The following ALCAM variants were observed in gnomAD, a reference collection of about 807,000 sequenced individuals.
ALCAM encodes the protein activated leukocyte cell adhesion molecule.
A neutral mutation model predicts 70.9 loss-of-function variants in ALCAM; 30 were observed. The ratio of observed to expected loss-of-function variants is 0.42; its 90% CI spans 0.32 to 0.57. The LOEUF (loss-of-function observed/expected upper bound fraction) is 0.57. ALCAM is among the 20% of genes least tolerant of loss of function. The pLI, the probability that ALCAM is intolerant of heterozygous loss-of-function variation, is 0.11. For missense variants in ALCAM, 591 were observed against 695.1 expected, an observed-to-expected ratio of 0.85 and a Z score of 1.68; for synonymous variants, 249 against 242.5, an observed-to-expected ratio of 1.03 and a Z score of -0.25.
chr3:105,381,733 T>A (rs914900465), intron 1 of ALCAM, among the ~76,000 whole-genome samples: 1 of 151,684 alleles, frequency 6.6e-6, no homozygotes, highest in South Asian at 2.1e-4. Flanking sequence ...ACTCTGTAGA[T>A]TCAGAGTCTA....
chr3:105,456,800 G>C (rs1221323293), intron 1 of ALCAM, among the ~76,000 whole-genome samples: 3 of 151,780 alleles, frequency 2.0e-5, no homozygotes, highest in Non-Finnish European at 4.4e-5. Flanking sequence ...GAGCTTCTGC[G>C]TATAATGAAG....
intron 1 of ALCAM, among the ~76,000 whole-genome samples, chr3:105,416,244 CT>C (rs1286549878): frequency 6.6e-6 from 1 of 151,982 alleles, no homozygotes; most frequent in Non-Finnish European, 1.5e-5. Context: ...ACTTTATACC[CT>C]TAAGGGAAGA....
In ALCAM at chr3:105,526,269, G is replaced by C. The variant is rs180966841; in HGVS notation, c.394+1761G>C. ...TCATTTGGAAGAATTATTTGTGACA[G>C]TTTTCAAAACATTTTGTAAAAAAAA... On this transcript the variant is annotated intron_variant, in intron 3 of 15. Transcript: ENST00000306107. 6.9e-5 allele frequency among the ~76,000 whole-genome samples: 10 copies of C among 144,898 alleles called. No homozygotes were observed. In the Admixed American group the frequency reaches 7.0e-4, roughly 10 times the overall value.
chr3:105,548,182 A>G (rs1408125770), intron 11 of ALCAM, among the ~76,000 whole-genome samples: 1 of 151,382 alleles, frequency 6.6e-6, no homozygotes, highest in Non-Finnish European at 1.5e-5. Flanking sequence ...ACTACCTGTT[A>G]TTTTCTTTTA....
intron 1 of ALCAM, among the ~76,000 whole-genome samples, chr3:105,457,967 C>T (rs575696280): frequency 6.6e-6 from 1 of 152,170 alleles, no homozygotes; most frequent in South Asian, 2.1e-4. Context: ...TTGAAAGCTC[C>T]TCAATGGAGC....
rs556726667 is a variant in ALCAM at position 105,552,669 on chromosome 3, G to A, written c.1664+84G>A. 2.3e-4 allele frequency: 363 copies of A among 1,597,062 alleles called. 1 individual carries two copies. In the African/African-American group the frequency reaches 3.9e-3, roughly 17 times the overall value. On this transcript the variant is annotated intron_variant, in intron 14 of 15. Transcript: ENST00000306107. ...TGTGCTAATTTTGCTCACTCCAGTC[G>A]TGCATATAATTTATACAATAAGGAA...
Position 105,433,669 on chromosome 3 carries a change from GT to G in ALCAM, c.73+66197del, listed in dbSNP as rs879437209. Among the ~76,000 whole-genome samples the G allele has an allele frequency of 1.2e-3, 185 of 149,360 alleles. 1 individual carries two copies. Among genetic ancestry groups the G allele is most frequent in the Non-Finnish European group, 2.4e-3 (158 of 67,166 alleles). ...AGACTGAGTAATTAAGATCAATGCA[GT>G]TTTTTTTTGTATTCTGATGTCCATC... On this transcript the variant is annotated intron_variant, in intron 1 of 15. Transcript: ENST00000306107.
At chr3:105,548,685 G>C (rs1940313408) in intron 11 of ALCAM, among the ~76,000 whole-genome samples, 1 of 151,270 alleles carries the variant, frequency 6.6e-6, no homozygotes, top group Non-Finnish European at 1.5e-5. Flanking sequence ...ATTTGGTTAA[G>C]TGTGATGGGG....
intron 14 of ALCAM, 82 bp downstream of exon 14, chr3:105,552,667 T>C: frequency 1.3e-6 from 2 of 1,599,260 alleles, no homozygotes; most frequent in Admixed American, 3.4e-5. Flanking sequence ...CTCACTCCAG[T>C]CGTGCATATA....
chr3:105,550,542 C>G (rs549891172), intron 12 of ALCAM, among the ~76,000 whole-genome samples: 1 of 151,556 alleles, frequency 6.6e-6, no homozygotes, highest in African/African-American at 2.4e-5. Flanking sequence ...ATAAGTTTCT[C>G]TTATTTAATT....
chr3:105,565,293 TC>T (rs1940718597), intron 14 of ALCAM, among the ~76,000 whole-genome samples: 1 of 152,224 alleles, frequency 6.6e-6, no homozygotes, highest in Non-Finnish European at 1.5e-5. Context: ...CTTGAAATTG[TC>T]CCACAGATCC....
At chr3:105,471,776 C>T (rs1559802933) in intron 1 of ALCAM, among the ~76,000 whole-genome samples, 1 of 151,212 alleles carries the variant, frequency 6.6e-6, no homozygotes, top group African/African-American at 2.4e-5. Context: ...TGTTACCTCA[C>T]ATAGTTATCA....
At chr3:105,498,117 C>T (rs540343254) in intron 1 of ALCAM, among the ~76,000 whole-genome samples, 4 of 151,676 alleles carry the variant, frequency 2.6e-5, no homozygotes, top group South Asian at 2.1e-4. Flanking sequence ...CATTCATTAT[C>T]GACTTAATGC....
chr3:105,453,383 A>C (rs897479553), intron 1 of ALCAM, among the ~76,000 whole-genome samples: 3 of 152,116 alleles, frequency 2.0e-5, no homozygotes, highest in Non-Finnish European at 4.4e-5. Flanking sequence ...AGATGGTTGT[A>C]GATGTGTGGT....
At chr3:105,535,827 T>C (rs1369527232) in intron 6 of ALCAM, among the ~76,000 whole-genome samples, 3 of 152,118 alleles carry the variant, frequency 2.0e-5, no homozygotes, top group Non-Finnish European at 4.4e-5. Context: ...CTTCTACATC[T>C]ATTTTAGAGA....
At chr3:105,523,139 CAAAAAAAAAAAAAAAAA>C (rs59478384) in intron 2 of ALCAM, among the ~76,000 whole-genome samples, 1 of 87,016 alleles carries the variant, frequency 1.1e-5, no homozygotes, top group East Asian at 3.9e-4. Context: ...GACTCCGTCT[CAAAAAAAAAAAAAAAAA>C]AAAAAAAAAA....
At position 105,367,331 on chromosome 3, in the gene ALCAM, G is replaced by C. The variant is rs901511501; in HGVS notation, c.-78G>C. On this transcript the variant is annotated 5_prime_UTR_variant, in exon 1 of 16. Coordinates refer to ENST00000306107, the MANE Select transcript of ALCAM (RefSeq NM_001627.4). ...CCTGCGTCGGGACCCGCCAGCGCGC[G>C]GGCACCGCGGGGCCCGGGACGACGC... is the stretch of plus-strand genomic sequence containing the variant. 6.1e-5 allele frequency: 91 copies of C among 1,490,566 alleles called. No individual in the cohort carries two copies. Among genetic ancestry groups the C allele is most frequent in the Non-Finnish European group, 8.1e-5 (87 of 1,080,414 alleles). The allele number at this position is 1,490,566 out of a possible 1,614,324, so 92.3% of individuals were successfully genotyped here. A position where few individuals can be genotyped will look rare whatever the true frequency, so the allele number is the denominator to read the frequency against.
At chr3:105,437,162 A>C (rs1937067752) in intron 1 of ALCAM, among the ~76,000 whole-genome samples, 1 of 152,208 alleles carries the variant, frequency 6.6e-6, no homozygotes, top group Admixed American at 6.5e-5. Context: ...TTTGGATTCA[A>C]ATATTAGGTC....
intron 1 of ALCAM, among the ~76,000 whole-genome samples, chr3:105,415,329 T>G (rs1936482206): frequency 6.6e-6 from 1 of 152,144 alleles, no homozygotes; most frequent in Admixed American, 6.6e-5. Context: ...CAAATAAATC[T>G]TATAGATGCG....
Sources: allele counts gnomAD v4.1 joint callset (sites outside exome capture counted in the v4.1 genomes callset), GRCh38; gene constraint gnomAD v4.1.1; transcripts MANE v1.5; gene names NCBI Gene and HGNC (gene_info 2026-07-23, HGNC 2026-07-21).